Variants in SLC8A1 observed in about 807,000 individuals in gnomAD.
The protein encoded by SLC8A1 is solute carrier family 8 member A1, also known as sodium/calcium exchanger 1.
In SLC8A1, 18 loss-of-function variants were observed where a neutral mutation model predicts 68.3. The ratio of observed to expected loss-of-function variants is 0.26; its 90% CI spans 0.18 to 0.39. SLC8A1 has a LOEUF of 0.39. Among genes scored for constraint, SLC8A1 ranks in the 10% least tolerant of loss-of-function variants. SLC8A1 has a pLI of 1.00. For missense variants in SLC8A1, 985 were observed against 1,156.7 expected, an observed-to-expected ratio of 0.85 and a Z score of 2.15; for synonymous variants, 475 against 415.5, an observed-to-expected ratio of 1.14 and a Z score of -1.74.
At chr2:40,457,900 G>A (rs1703115472) in intron 1 of SLC8A1, among the ~76,000 whole-genome samples, 1 of 152,176 alleles carries the variant, frequency 6.6e-6, no homozygotes, top group African/African-American at 2.4e-5. Flanking sequence ...TTTACAGACT[G>A]AGAAAGAAAG....
At chr2:40,322,501 TA>T (rs10708563) in intron 2 of SLC8A1, among the ~76,000 whole-genome samples, 26,581 of 97,256 alleles carry the variant, frequency 0.27, 3,683 homozygotes, top group African/African-American at 0.42. Context: ...TACAAAAGGT[TA>T]AAAAAAAAAA....
chr2:40,323,294 T>G (rs894062592), intron 2 of SLC8A1, among the ~76,000 whole-genome samples: 1 of 152,158 alleles, frequency 6.6e-6, no homozygotes, highest in African/African-American at 2.4e-5. Flanking sequence ...CTTTCATAAT[T>G]TGATATACAA....
chr2:40,111,295 G>A (rs2034539779), exon 8 of SLC8A1: 1 of 152,096 alleles, frequency 6.6e-6, no homozygotes, highest in Non-Finnish European at 1.5e-5. Flanking sequence ...AAGGAGCTCT[G>A]GTCATTGAAT....
intron 2 of SLC8A1, among the ~76,000 whole-genome samples, chr2:40,403,130 G>C (rs1271067598): frequency 1.3e-5 from 2 of 152,126 alleles, no homozygotes; most frequent in Non-Finnish European, 2.9e-5. Flanking sequence ...GATTAAATTG[G>C]TATTTAAAGT....
chr2:40,101,941 A>G (rs1196614506), exon 8 of SLC8A1: 1 of 152,096 alleles, frequency 6.6e-6, no homozygotes, highest in African/African-American at 2.4e-5. Flanking sequence ...TTGTTTGGGG[A>G]ACAAACTTGA....
At chr2:40,417,930 G>T (rs760929326) in intron 2 of SLC8A1, among the ~76,000 whole-genome samples, 2 of 148,094 alleles carry the variant, frequency 1.4e-5, no homozygotes, top group Non-Finnish European at 3.0e-5. Context: ...CAGTAAGCTG[G>T]AAAACTTTAG....
exon 8 of SLC8A1, chr2:40,102,419 T>C (rs1379067671): frequency 6.6e-6 from 1 of 151,794 alleles, no homozygotes; most frequent in African/African-American, 2.4e-5. Flanking sequence ...CAAGGACTTA[T>C]AGAAAAGAGT....
chr2:40,322,671 A>C (rs1431330849), intron 2 of SLC8A1, among the ~76,000 whole-genome samples: 1 of 151,948 alleles, frequency 6.6e-6, no homozygotes, highest in Non-Finnish European at 1.5e-5. Flanking sequence ...CCAAGACCCT[A>C]TCTCTAAAAA....
At chr2:40,429,940 G>T (rs188860233) in exon 2 of SLC8A1, 43 of 1,613,406 alleles carry the variant, frequency 2.7e-5, no homozygotes, top group African/African-American at 8.0e-5. Flanking sequence ...TTTCTTTATG[G>T]TTATTTCTTT....
chr2:40,486,497 T>C (rs1356370296), intron 1 of SLC8A1, among the ~76,000 whole-genome samples: 1 of 152,180 alleles, frequency 6.6e-6, no homozygotes, highest in African/African-American at 2.4e-5. Flanking sequence ...GGCAATAAGA[T>C]ATATTCCTCT....
chr2:40,154,193 G>A (rs2043973829), intron 6 of SLC8A1, among the ~76,000 whole-genome samples: 1 of 151,974 alleles, frequency 6.6e-6, no homozygotes, highest in South Asian at 2.1e-4. Flanking sequence ...CAGAATATAG[G>A]TGAAGAACAG....
intron 2 of SLC8A1, among the ~76,000 whole-genome samples, chr2:40,305,804 A>G (rs187429148): frequency 5.9e-5 from 9 of 152,242 alleles, no homozygotes. Context: ...ATGAAGATAG[A>G]GTATAGACAT....
chr2:40,395,837 G>T (rs1686742294), intron 2 of SLC8A1, among the ~76,000 whole-genome samples: 1 of 152,150 alleles, frequency 6.6e-6, no homozygotes. Flanking sequence ...TTCAATGCAA[G>T]AAGGTCCTGC....
intron 6 of SLC8A1, among the ~76,000 whole-genome samples, chr2:40,142,415 A>G (rs760267450): frequency 1.3e-5 from 2 of 152,194 alleles, no homozygotes; most frequent in African/African-American, 2.4e-5. Context: ...TTTTCTAGTT[A>G]TATTTATTTT....
chr2:40,309,007 C>T (rs1176133337), intron 2 of SLC8A1, among the ~76,000 whole-genome samples: 1 of 152,080 alleles, frequency 6.6e-6, no homozygotes, highest in Admixed American at 6.6e-5. Context: ...AAATTGCATT[C>T]ATGCAACCTA....
intron 2 of SLC8A1, among the ~76,000 whole-genome samples, chr2:40,370,857 G>C (rs1045072743): frequency 6.6e-6 from 1 of 151,932 alleles, no homozygotes; most frequent in Non-Finnish European, 1.5e-5. Context: ...AAGGTTTATT[G>C]AAGTAACTGG....
chr2:40,374,196 T>C (rs1575807301), intron 2 of SLC8A1, among the ~76,000 whole-genome samples: 1 of 151,814 alleles, frequency 6.6e-6, no homozygotes, highest in African/African-American at 2.4e-5. Context: ...TGTGCTCAGG[T>C]GAACAGGAAA....
At chr2:40,174,076 T>C (rs1180771311) in intron 4 of SLC8A1, among the ~76,000 whole-genome samples, 1 of 152,218 alleles carries the variant, frequency 6.6e-6, no homozygotes, top group Non-Finnish European at 1.5e-5. Flanking sequence ...TACTTTGTAA[T>C]ATGCTTCAAG....
At chr2:40,393,023 A>C (rs540531985) in intron 2 of SLC8A1, among the ~76,000 whole-genome samples, 13 of 152,156 alleles carry the variant, frequency 8.5e-5, no homozygotes, top group African/African-American at 3.1e-4. Context: ...TGTCAAATCA[A>C]TAGTGATACT....
Sources: allele counts gnomAD v4.1 joint callset (sites outside exome capture counted in the v4.1 genomes callset), GRCh38; gene constraint gnomAD v4.1.1; transcripts MANE v1.5; gene names NCBI Gene and HGNC (gene_info 2026-07-23, HGNC 2026-07-21).